CHMP3: variants seen among roughly 807,000 people sequenced by gnomAD.
The protein encoded by CHMP3 is 25.1 protein.
A neutral mutation model predicts 27.4 loss-of-function variants in CHMP3; 8 were observed. The observed-to-expected ratio is 0.29, with a 90% CI of 0.17 to 0.53. CHMP3 has a LOEUF of 0.53. Among genes scored for constraint, CHMP3 ranks in the 20% least tolerant of loss-of-function variants. The pLI is 0.96. For synonymous variants in CHMP3, 86 were observed against 85.5 expected (o/e 1.01, Z -0.03); for missense variants, 208 against 271.5 (o/e 0.77, Z 1.64).
intron 1 of CHMP3, 102 bp downstream of exon 1, chr2:86,563,202 G>T (rs1214071035): frequency 7.2e-7 from 1 of 1,388,298 alleles, no homozygotes; most frequent in Admixed American, 2.0e-5. Flanking sequence ...GGGGCCGGGC[G>T]GTATCGGGCA....
chr2:86,547,700 A>C (rs1404982905), intron 1 of CHMP3, among the ~76,000 whole-genome samples: 5 of 152,256 alleles, frequency 3.3e-5, no homozygotes, highest in Admixed American at 2.0e-4. Context: ...ATAACTGTAA[A>C]GACTACTACA....
intron 1 of CHMP3, among the ~76,000 whole-genome samples, chr2:86,558,687 T>G (rs1037978872): frequency 9.9e-5 from 15 of 152,156 alleles, no homozygotes; most frequent in Non-Finnish European, 7.3e-5. Context: ...GCCTGCATCT[T>G]TCAGCCCCCA....
At chr2:86,530,417 C>G (rs1180497338) in intron 2 of CHMP3, among the ~76,000 whole-genome samples, 1 of 152,198 alleles carries the variant, frequency 6.6e-6, no homozygotes, top group Admixed American at 6.5e-5. Flanking sequence ...TTTTACTACC[C>G]TTGGTACTTC....
intron 2 of CHMP3, among the ~76,000 whole-genome samples, chr2:86,534,733 CTTTA>C (rs1313237122): frequency 2.6e-5 from 4 of 152,052 alleles, no homozygotes; most frequent in African/African-American, 4.8e-5. Flanking sequence ...CTCATATAAT[CTTTA>C]TTTAAAATCT....
chr2:86,535,994 CTTTTTT>C lies in CHMP3; in HGVS notation c.106+6252_106+6257del, dbSNP rs60555193. On this transcript the variant is annotated intron_variant, in intron 2 of 5. Transcript: ENST00000263856. ...ACAAAAAGTAGAGTTATAAACCTTT[CTTTTTT>C]TTTTTTTTTTTTTGAGACGGAGTCT... 3.6e-5 allele frequency among the ~76,000 whole-genome samples: 4 copies of C among 111,542 alleles called. No individual in the cohort carries two copies. The East Asian group carries it at 8.0e-4, about 22-fold the overall frequency. 73.2% of individuals were successfully genotyped at this position (111,542 alleles called of 152,430 possible).
intron 1 of CHMP3, among the ~76,000 whole-genome samples, chr2:86,560,340 G>T (rs1310662165): frequency 2.6e-5 from 4 of 152,096 alleles, no homozygotes; most frequent in Admixed American, 2.6e-4. Context: ...ATCATAGACT[G>T]GATTAAGAAA....
chr2:86,520,807 C>G (rs1675491735), intron 3 of CHMP3, among the ~76,000 whole-genome samples: 1 of 152,178 alleles, frequency 6.6e-6, no homozygotes. Flanking sequence ...CCTTTTATTG[C>G]ATGGCCTGTC....
At chr2:86,524,524 C>T (rs1017990370) in intron 3 of CHMP3, among the ~76,000 whole-genome samples, 1 of 152,282 alleles carries the variant, frequency 6.6e-6, no homozygotes, top group Middle Eastern at 3.4e-3. Flanking sequence ...ATTTACATAG[C>T]ATTTGCATTG....
chr2:86,513,915 C>A (rs1675197276), intron 3 of CHMP3, among the ~76,000 whole-genome samples: 1 of 152,204 alleles, frequency 6.6e-6, no homozygotes, highest in Admixed American at 6.5e-5. Flanking sequence ...GTTTGAACCC[C>A]AGCTCCGCCA....
intron 3 of CHMP3, among the ~76,000 whole-genome samples, chr2:86,525,061 A>G (rs1244835954): frequency 1.0e-5 from 1 of 100,110 alleles, no homozygotes; most frequent in Admixed American, 8.6e-5. Context: ...ATGCATCATT[A>G]ACATCTTTCT....
At chr2:86,510,711 A>G in intron 3 of CHMP3, 1 of 457,132 alleles carries the variant, frequency 2.2e-6, no homozygotes, top group South Asian at 3.1e-5. Flanking sequence ...CCACATGACC[A>G]ATCTGGAGAG....
At chr2:86,532,791 C>T (rs1377980220) in intron 2 of CHMP3, among the ~76,000 whole-genome samples, 2 of 152,114 alleles carry the variant, frequency 1.3e-5, no homozygotes, top group Admixed American at 1.3e-4. Flanking sequence ...ATCCCACTGG[C>T]CGTGATGTAT....
chr2:86,535,809 A>G lies in CHMP3; in HGVS notation c.107-6412T>C, dbSNP rs537186670. ...GTATAAGCCACTGCGCCCAGCCTGCATGAGCTTAATTTCAAAAGCAGTAAG... is the reference window on the plus strand; with the variant it reads ...GTATAAGCCACTGCGCCCAGCCTGCGTGAGCTTAATTTCAAAAGCAGTAAG... On this transcript the variant is annotated intron_variant, in intron 2 of 5. Transcript: ENST00000263856. 2.5e-3 allele frequency among the ~76,000 whole-genome samples: 381 copies of G among 152,186 alleles called. 1 individual carries two copies. Among genetic ancestry groups the G allele is most frequent in the Admixed American group, 4.4e-3 (68 of 15,296 alleles).
chr2:86,523,425 ATTT>A (rs1044811974), intron 3 of CHMP3, among the ~76,000 whole-genome samples: 1 of 152,082 alleles, frequency 6.6e-6, no homozygotes, highest in African/African-American at 2.4e-5. Flanking sequence ...TATTATTTTT[ATTT>A]TTTATTATAT....
chr2:86,547,009 C>G (rs1676634720), intron 1 of CHMP3, among the ~76,000 whole-genome samples: 1 of 152,192 alleles, frequency 6.6e-6, no homozygotes, highest in Non-Finnish European at 1.5e-5. Flanking sequence ...AATGTGTTTT[C>G]TGAACTTCTT....
intron 3 of CHMP3, among the ~76,000 whole-genome samples, chr2:86,515,671 T>C (rs1675273735): frequency 6.6e-6 from 1 of 151,430 alleles, no homozygotes; most frequent in Non-Finnish European, 1.5e-5. Context: ...TCCCAGTGCC[T>C]AGCACTGTGC....
At chr2:86,527,392 A>G (rs1675756583) in intron 3 of CHMP3, among the ~76,000 whole-genome samples, 1 of 152,240 alleles carries the variant, frequency 6.6e-6, no homozygotes, top group Non-Finnish European at 1.5e-5. Context: ...AGGCAAAATA[A>G]GCAATAAGGA....
intron 1 of CHMP3, among the ~76,000 whole-genome samples, chr2:86,556,379 G>A (rs1366458504): frequency 1.3e-5 from 2 of 152,174 alleles, no homozygotes; most frequent in African/African-American, 4.8e-5. Context: ...TGTCAGCTGA[G>A]TATATATCAG....
At chr2:86,508,128 G>C (rs535086443) in intron 4 of CHMP3, among the ~76,000 whole-genome samples, 1 of 152,274 alleles carries the variant, frequency 6.6e-6, no homozygotes, top group East Asian at 1.9e-4. Flanking sequence ...GGTCTGCAAG[G>C]ATCAATTAAC....
Sources: gnomAD v4.1 joint callset for allele counts (sites outside exome capture counted in the v4.1 genomes callset) on GRCh38, gnomAD v4.1.1 for gene constraint, MANE v1.5 for transcripts, NCBI Gene and HGNC (gene_info 2026-07-23, HGNC 2026-07-21) for gene names.